NBEA: variants seen among roughly 807,000 people sequenced by gnomAD.
NBEA encodes neurobeachin.
A neutral mutation model predicts 343.4 loss-of-function variants in NBEA; 44 were observed. The ratio of observed to expected loss-of-function variants is 0.13; its 90% CI spans 0.10 to 0.16. The LOEUF (loss-of-function observed/expected upper bound fraction) is 0.16. Among genes scored for constraint, NBEA ranks in the 10% least tolerant of loss-of-function variants. The probability of loss-of-function intolerance (pLI) is 1.00; values close to 1 mark genes in which losing one functional copy is unlikely to be tolerated. For synonymous variants in NBEA, 1,175 were observed against 1,238.7 expected, an observed-to-expected ratio of 0.95 and a Z score of 1.08; for missense variants, 2,555 against 3,631.3, an observed-to-expected ratio of 0.70 and a Z score of 7.62.
At chr13:35,573,552 A>G (rs943057524) in intron 45 of NBEA, among the ~76,000 whole-genome samples, 2 of 152,210 alleles carry the variant, frequency 1.3e-5, no homozygotes, top group Non-Finnish European at 2.9e-5. Context: ...AGCTTTATAG[A>G]TTTATACAGA....
At chr13:35,649,516 G>A (rs2084414229) in intron 51 of NBEA, 139 bp from the exon 52 acceptor site, 2 of 685,584 alleles carry the variant, frequency 2.9e-6, no homozygotes, top group Non-Finnish European at 2.5e-6. Flanking sequence ...ACATTCACCA[G>A]TATGAAAGTT....
At chr13:35,263,986 GT>G (rs541983760) in intron 34 of NBEA, among the ~76,000 whole-genome samples, 11 of 146,862 alleles carry the variant, frequency 7.5e-5, no homozygotes, top group Admixed American at 2.0e-4. Flanking sequence ...ACAAAGAGTT[GT>G]TTTTTTTTTA....
intron 38 of NBEA, among the ~76,000 whole-genome samples, chr13:35,425,848 A>G (rs376965548): frequency 1.3e-5 from 2 of 152,154 alleles, no homozygotes; most frequent in South Asian, 4.1e-4. Context: ...GGGTGCATAT[A>G]TATTTAGGAT....
At chr13:35,249,125 GA>G (rs1566517298) in intron 34 of NBEA, among the ~76,000 whole-genome samples, 1 of 89,008 alleles carries the variant, frequency 1.1e-5, no homozygotes, top group Non-Finnish European at 2.1e-5. Flanking sequence ...CTCCAGCCTG[GA>G]CAAAAAAAGT....
intron 38 of NBEA, among the ~76,000 whole-genome samples, chr13:35,423,426 T>G (rs2152925018): frequency 6.6e-6 from 1 of 152,324 alleles, no homozygotes. Context: ...CCATTTCTTG[T>G]TTTTGTCAGA....
intron 8 of NBEA, 57 bp downstream of exon 8, chr13:35,058,920 T>C: frequency 7.3e-7 from 1 of 1,369,994 alleles, no homozygotes; most frequent in Non-Finnish European, 9.8e-7. Context: ...TAAAATGTGG[T>C]GTAATATCAT....
At chr13:35,599,273 G>A (rs2081947415) in intron 47 of NBEA, among the ~76,000 whole-genome samples, 2 of 152,144 alleles carry the variant, frequency 1.3e-5, no homozygotes, top group Non-Finnish European at 2.9e-5. Flanking sequence ...TGAGGATTCA[G>A]TTTCTGTTTT....
chr13:35,248,737 A>G (rs1309391973), intron 34 of NBEA, among the ~76,000 whole-genome samples: 1 of 152,226 alleles, frequency 6.6e-6, no homozygotes, highest in Non-Finnish European at 1.5e-5. Context: ...TAATATCCAC[A>G]TGTAAAGGAA....
chr13:35,452,605 T>C (rs934063705), intron 40 of NBEA, among the ~76,000 whole-genome samples: 8 of 152,286 alleles, frequency 5.3e-5, no homozygotes, highest in Admixed American at 5.2e-4. Flanking sequence ...AAGGTCCTTT[T>C]CCCAGGTGCC....
At chr13:35,384,196 A>C (rs1377740963) in intron 38 of NBEA, among the ~76,000 whole-genome samples, 1 of 152,196 alleles carries the variant, frequency 6.6e-6, no homozygotes, top group Non-Finnish European at 1.5e-5. Flanking sequence ...TAATTTTCAG[A>C]TGCTAATATT....
intron 1 of NBEA, among the ~76,000 whole-genome samples, chr13:34,960,894 T>C (rs1833892555): frequency 6.6e-6 from 1 of 152,138 alleles, no homozygotes; most frequent in Admixed American, 6.6e-5. Flanking sequence ...ACCTTATTAG[T>C]GATGTGCACT....
At chr13:34,975,581 A>G (rs185943795) in intron 1 of NBEA, among the ~76,000 whole-genome samples, 1 of 152,174 alleles carries the variant, frequency 6.6e-6, no homozygotes, top group Non-Finnish European at 1.5e-5. Flanking sequence ...AGACAAATAG[A>G]TGGGACTTAA....
intron 34 of NBEA, among the ~76,000 whole-genome samples, chr13:35,241,001 G>A (rs1217051636): frequency 6.6e-6 from 1 of 151,298 alleles, no homozygotes; most frequent in Non-Finnish European, 1.5e-5. Flanking sequence ...CCTAAATAAT[G>A]GTGAACTATA....
At chr13:35,618,791 G>T (rs1448616087) in intron 48 of NBEA, among the ~76,000 whole-genome samples, 1 of 152,128 alleles carries the variant, frequency 6.6e-6, no homozygotes, top group Non-Finnish European at 1.5e-5. Flanking sequence ...TTACCCTAAT[G>T]CTGGGTTCAT....
At chr13:35,062,603 C>G (rs982445937) in intron 8 of NBEA, among the ~76,000 whole-genome samples, 5 of 151,628 alleles carry the variant, frequency 3.3e-5, no homozygotes, top group African/African-American at 7.3e-5. Context: ...CAGAGGAAAA[C>G]TAGACATTGA....
intron 1 of NBEA, among the ~76,000 whole-genome samples, chr13:35,025,624 T>C (rs943525527): frequency 2.6e-5 from 4 of 152,142 alleles, no homozygotes; most frequent in Admixed American, 2.6e-4. Flanking sequence ...TTTTAATGCC[T>C]GTGACGTCTT....
At chr13:35,416,004 T>C (rs1410821119) in intron 38 of NBEA, among the ~76,000 whole-genome samples, 3 of 152,212 alleles carry the variant, frequency 2.0e-5, no homozygotes, top group African/African-American at 7.2e-5. Context: ...CAATTGTGAA[T>C]GGGAGTTCAC....
chr13:35,377,346 C>T (rs1267512853), intron 38 of NBEA, among the ~76,000 whole-genome samples: 2 of 152,260 alleles, frequency 1.3e-5, no homozygotes, highest in East Asian at 1.9e-4. Context: ...CAGTTCCCTG[C>T]CAATGAAGGA....
intron 39 of NBEA, among the ~76,000 whole-genome samples, chr13:35,444,092 C>T (rs1934147418): frequency 6.6e-6 from 1 of 151,926 alleles, no homozygotes. Context: ...CTCACAGATA[C>T]ACTAAGGTAA....
Sources: allele counts gnomAD v4.1 joint callset (sites outside exome capture counted in the v4.1 genomes callset), GRCh38; gene constraint gnomAD v4.1.1; transcripts MANE v1.5; gene names NCBI Gene and HGNC (gene_info 2026-07-23, HGNC 2026-07-21).